Variants in NRG3 observed in about 807,000 individuals in gnomAD.
NRG3 encodes pro-neuregulin-3, membrane-bound isoform.
Under a neutral mutation model 66.9 loss-of-function variants are expected in NRG3, and 31 were observed. The ratio of observed to expected loss-of-function variants is 0.46; its 90% CI spans 0.35 to 0.63. The LOEUF (loss-of-function observed/expected upper bound fraction) is 0.63. Among genes scored for constraint, NRG3 ranks in the 20% least tolerant of loss-of-function variants. NRG3 has a pLI of 0.00. For synonymous variants in NRG3, 393 were observed against 359.4 expected (o/e 1.09, Z -1.06); for missense variants, 910 against 878.9 (o/e 1.04, Z -0.45).
At chr10:82,685,703 G>T (rs2054459905) in intron 2 of NRG3, among the ~76,000 whole-genome samples, 1 of 151,910 alleles carries the variant, frequency 6.6e-6, no homozygotes. Flanking sequence ...AATACACATT[G>T]TACAGCCATA....
intron 1 of NRG3, among the ~76,000 whole-genome samples, chr10:82,149,734 A>G (rs2070559018): frequency 6.6e-6 from 1 of 150,712 alleles, no homozygotes; most frequent in African/African-American, 2.4e-5. Context: ...AAAGCCTCCC[A>G]GTAGAATGTC....
At chr10:82,519,472 G>A (rs555088941) in intron 2 of NRG3, among the ~76,000 whole-genome samples, 2 of 152,258 alleles carry the variant, frequency 1.3e-5, no homozygotes, top group African/African-American at 4.8e-5. Flanking sequence ...CTTATGTGAT[G>A]ACAACACAAA....
At chr10:82,731,981 G>A (rs908521921) in intron 2 of NRG3, among the ~76,000 whole-genome samples, 4 of 152,076 alleles carry the variant, frequency 2.6e-5, no homozygotes, top group Non-Finnish European at 5.9e-5. Flanking sequence ...CTAAAAAATT[G>A]CTAACAGTAG....
chr10:82,539,795 G>A (rs2043408628), intron 2 of NRG3, among the ~76,000 whole-genome samples: 1 of 152,002 alleles, frequency 6.6e-6, no homozygotes, highest in Admixed American at 6.6e-5. Context: ...ACCACGGCCA[G>A]CTAATTTTTT....
At chr10:82,137,397 C>A (rs2069449693) in intron 1 of NRG3, among the ~76,000 whole-genome samples, 1 of 152,160 alleles carries the variant, frequency 6.6e-6, no homozygotes, top group Non-Finnish European at 1.5e-5. Context: ...TCCCACAATA[C>A]TATTATTTTA....
chr10:82,409,061 A>T (rs1405955911), intron 2 of NRG3, among the ~76,000 whole-genome samples: 1 of 152,158 alleles, frequency 6.6e-6, no homozygotes, highest in Non-Finnish European at 1.5e-5. Context: ...TCTGTATTTT[A>T]AGAAGTTTAG....
At chr10:82,855,373 T>G (rs1166373898) in intron 3 of NRG3, among the ~76,000 whole-genome samples, 2 of 152,088 alleles carry the variant, frequency 1.3e-5, no homozygotes, top group East Asian at 3.9e-4. Flanking sequence ...ATTCTAACCC[T>G]TCCATCTATT....
At position 82,013,496 on chromosome 10, in the gene NRG3, A is replaced by G. The variant is rs1475548835; in HGVS notation, c.823+137333A>G. 2.0e-5 allele frequency among the ~76,000 whole-genome samples: 3 copies of G among 152,154 alleles called. No homozygotes were observed. In the East Asian group the frequency reaches 5.8e-4, roughly 29 times the overall value. ...TACAAAGAGAAAATGGGTATCAGGT[A>G]TTGGCAATTTTTATTTTCATTGTTC... On this transcript the variant is annotated intron_variant, in intron 1 of 8. Coordinates refer to ENST00000372141, the MANE Select transcript of NRG3 (RefSeq NM_001010848.4).
intron 1 of NRG3, among the ~76,000 whole-genome samples, chr10:81,952,777 T>A (rs112597209): frequency 0.06 from 9,162 of 152,020 alleles, 300 homozygotes; most frequent in African/African-American, 0.07. Context: ...TATTTTTTTT[T>A]AAATTTTTAT....
intron 1 of NRG3, among the ~76,000 whole-genome samples, chr10:82,197,202 TCACATAGCACCAGG>T (rs2074496175): frequency 6.6e-6 from 1 of 152,154 alleles, no homozygotes; most frequent in Non-Finnish European, 1.5e-5. Context: ...CTTCAGAATT[TCACATAGCACCAGG>T]CACATAGCAA....
chr10:82,499,524 C>A (rs1564994353), intron 2 of NRG3, among the ~76,000 whole-genome samples: 1 of 151,940 alleles, frequency 6.6e-6, no homozygotes, highest in South Asian at 2.1e-4. Context: ...GATTTAATTT[C>A]TTTTAGAAAT....
intron 1 of NRG3, among the ~76,000 whole-genome samples, chr10:82,329,066 G>A (rs2082010706): frequency 6.6e-6 from 1 of 152,210 alleles, no homozygotes; most frequent in Non-Finnish European, 1.5e-5. Context: ...GGAGAATAAA[G>A]CCACTGGACA....
intron 2 of NRG3, among the ~76,000 whole-genome samples, chr10:82,496,918 A>G (rs1246554253): frequency 6.6e-6 from 1 of 152,196 alleles, no homozygotes; most frequent in African/African-American, 2.4e-5. Context: ...AATGGAATAC[A>G]TTGATTTTCA....
intron 2 of NRG3, among the ~76,000 whole-genome samples, chr10:82,620,380 C>T (rs746275453): frequency 1.1e-4 from 17 of 152,148 alleles, no homozygotes; most frequent in South Asian, 2.1e-4. Context: ...TTTTATTCAG[C>T]GAAGGAAATG....
chr10:82,078,750 G>A (rs756241751), intron 1 of NRG3, among the ~76,000 whole-genome samples: 11 of 152,196 alleles, frequency 7.2e-5, no homozygotes, highest in Non-Finnish European at 1.6e-4. Flanking sequence ...TTTAAACTGC[G>A]ATAGAAGTAT....
chr10:82,169,874 T>G (rs533268491), intron 1 of NRG3, among the ~76,000 whole-genome samples: 1 of 152,054 alleles, frequency 6.6e-6, no homozygotes, highest in East Asian at 1.9e-4. Flanking sequence ...TCTTATTTTT[T>G]TCTTTATTCA....
chr10:82,122,490 T>C (rs1312372658), intron 1 of NRG3, among the ~76,000 whole-genome samples: 2 of 152,202 alleles, frequency 1.3e-5, no homozygotes, highest in South Asian at 4.1e-4. Context: ...AGTCTGATGA[T>C]AGCTCTGTTT....
At chr10:82,261,026 A>T (rs1354074877) in intron 1 of NRG3, among the ~76,000 whole-genome samples, 1 of 152,106 alleles carries the variant, frequency 6.6e-6, no homozygotes, top group Non-Finnish European at 1.5e-5. Flanking sequence ...GTGATGAGTG[A>T]GTTCTCTCTC....
intron 3 of NRG3, among the ~76,000 whole-genome samples, chr10:82,746,082 G>A (rs2058632587): frequency 6.6e-6 from 1 of 152,138 alleles, no homozygotes; most frequent in African/African-American, 2.4e-5. Context: ...TATAAGGACA[G>A]GGTCTTGCTA....
Sources: allele counts gnomAD v4.1 joint callset (sites outside exome capture counted in the v4.1 genomes callset), GRCh38; gene constraint gnomAD v4.1.1; transcripts MANE v1.5; gene names NCBI Gene and HGNC (gene_info 2026-07-23, HGNC 2026-07-21).